DENND5B: variants seen among roughly 807,000 people sequenced by gnomAD.
DENND5B encodes DENN domain-containing protein 5B.
DENND5B carries 34 observed loss-of-function variants against 140.6 expected under a neutral mutation model. The observed-to-expected ratio is 0.24, with a 90% CI of 0.18 to 0.32. The LOEUF (loss-of-function observed/expected upper bound fraction) is 0.32, where lower values mean the gene tolerates loss of function less well. Ranked by LOEUF, DENND5B falls within the 10% of genes least tolerant of loss-of-function variation. The pLI, the probability that DENND5B is intolerant of heterozygous loss-of-function variation, is 1.00. For missense variants in DENND5B, 1,142 were observed against 1,560.2 expected, an observed-to-expected ratio of 0.73 and a Z score of 4.52; for synonymous variants, 551 against 562.1, an observed-to-expected ratio of 0.98 and a Z score of 0.28.
intron 5 of DENND5B, among the ~76,000 whole-genome samples, chr12:31,449,486 A>C (rs1357319974): frequency 6.6e-6 from 1 of 152,150 alleles, no homozygotes; most frequent in Non-Finnish European, 1.5e-5. Context: ...TAAACTATAA[A>C]ATTTTAGGTC....
chr12:31,401,456 G>A (rs564909449), intron 15 of DENND5B, among the ~76,000 whole-genome samples: 1 of 152,090 alleles, frequency 6.6e-6, no homozygotes, highest in African/African-American at 2.4e-5. Flanking sequence ...CTGCTATTTC[G>A]AGACCCCAAG....
intron 4 of DENND5B, among the ~76,000 whole-genome samples, chr12:31,457,816 C>A (rs1467601612): frequency 2.0e-5 from 3 of 152,002 alleles, no homozygotes; most frequent in African/African-American, 2.4e-5. Context: ...CGGGTTCATG[C>A]CATTCTCCTG....
intron 3 of DENND5B, among the ~76,000 whole-genome samples, chr12:31,471,983 T>C (rs1257851527): frequency 1.3e-5 from 2 of 152,150 alleles, no homozygotes; most frequent in East Asian, 1.9e-4. Context: ...GAAGCTGATA[T>C]GCTCTGCACA....
Position 31,452,492 on chromosome 12 carries a change from G to GA in DENND5B, c.1093-17dup, listed in dbSNP as rs757464912. The GA allele has an allele frequency of 1.9e-6, 3 of 1,572,986 alleles. No homozygotes were observed. In the East Asian group the frequency reaches 6.7e-5, roughly 35 times the overall value. ...ACAAATTAGCCTGAAAGAGAAAAAT[G>GA]AAATACAAAGGTTTAAAATAAAGGA... On this transcript the variant is annotated splice_polypyrimidine_tract_variant and intron_variant, in intron 4 of 20. Coordinates refer to ENST00000389082, the MANE Select transcript of DENND5B (RefSeq NM_144973.4).
At chr12:31,503,977 A>G (rs896199347) in intron 1 of DENND5B, among the ~76,000 whole-genome samples, 2 of 152,324 alleles carry the variant, frequency 1.3e-5, no homozygotes, top group Non-Finnish European at 1.5e-5. Context: ...CCAGTTATAT[A>G]GAGAACTACA....
intron 1 of DENND5B, among the ~76,000 whole-genome samples, chr12:31,573,399 C>T (rs1949890849): frequency 6.6e-6 from 1 of 152,152 alleles, no homozygotes; most frequent in South Asian, 2.1e-4. Context: ...GTCACCTGAC[C>T]TATTCAATAG....
intron 1 of DENND5B, among the ~76,000 whole-genome samples, chr12:31,537,701 C>CA (rs1948550786): frequency 6.6e-6 from 1 of 151,164 alleles, no homozygotes; most frequent in South Asian, 2.1e-4. Context: ...AAACAAAAAA[C>CA]AAAAAAACAA....
chr12:31,397,594 G>T (rs911044831), intron 17 of DENND5B, among the ~76,000 whole-genome samples: 2 of 138,696 alleles, frequency 1.4e-5, no homozygotes, highest in African/African-American at 5.3e-5. Context: ...GGCTATCTGG[G>T]AGTACTGTAA....
chr12:31,404,803 AGGCTGGAG>A (rs1942030820), intron 14 of DENND5B, among the ~76,000 whole-genome samples: 1 of 101,746 alleles, frequency 9.8e-6, no homozygotes, highest in Non-Finnish European at 1.8e-5. Flanking sequence ...CTTGTGGCCC[AGGCTGGAG>A]TGCAATGGCA....
chr12:31,570,209 C>CA (rs1949770416), intron 1 of DENND5B, among the ~76,000 whole-genome samples: 1 of 150,144 alleles, frequency 6.7e-6, no homozygotes, highest in Non-Finnish European at 1.5e-5. Context: ...AACAAACAAA[C>CA]AAAAAAACCA....
At chr12:31,529,328 C>A (rs75675266) in intron 1 of DENND5B, among the ~76,000 whole-genome samples, 2,557 of 152,196 alleles carry the variant, frequency 0.017, 73 homozygotes, top group African/African-American at 0.058. Flanking sequence ...ATGGACCCAG[C>A]AGTTCTCTAA....
At chr12:31,410,974 A>T (rs866130468) in intron 13 of DENND5B, among the ~76,000 whole-genome samples, 1 of 152,004 alleles carries the variant, frequency 6.6e-6, no homozygotes, top group Non-Finnish European at 1.5e-5. Flanking sequence ...AGTGTTCTTT[A>T]TATAGCAGGA....
chr12:31,521,480 T>G (rs1947882583), intron 1 of DENND5B, among the ~76,000 whole-genome samples: 1 of 152,170 alleles, frequency 6.6e-6, no homozygotes, highest in South Asian at 2.1e-4. Flanking sequence ...TTTTGTAGAC[T>G]GAACTGTACA....
chr12:31,483,432 T>G (rs918829761), intron 2 of DENND5B, among the ~76,000 whole-genome samples: 30 of 152,030 alleles, frequency 2.0e-4, no homozygotes, highest in African/African-American at 7.3e-4. Context: ...AATGTGGTTA[T>G]AGTATACATC....
intron 1 of DENND5B, among the ~76,000 whole-genome samples, chr12:31,529,525 C>T (rs1255089656): frequency 6.6e-6 from 1 of 151,938 alleles, no homozygotes; most frequent in Non-Finnish European, 1.5e-5. Context: ...AATAATTCAA[C>T]AGCCATCACT....
intron 1 of DENND5B, among the ~76,000 whole-genome samples, chr12:31,512,642 C>T (rs540524037): frequency 9.9e-5 from 15 of 152,072 alleles, no homozygotes; most frequent in African/African-American, 3.1e-4. Flanking sequence ...ACTGTATATC[C>T]GTCATGGTGT....
intron 1 of DENND5B, among the ~76,000 whole-genome samples, chr12:31,551,426 C>T (rs1285147874): frequency 1.3e-5 from 2 of 152,140 alleles, no homozygotes; most frequent in African/African-American, 4.8e-5. Flanking sequence ...ATCTATATCT[C>T]TGTTTTGGTA....
chr12:31,440,390 C>T (rs78849514), intron 7 of DENND5B, among the ~76,000 whole-genome samples: 5 of 152,124 alleles, frequency 3.3e-5, no homozygotes, highest in African/African-American at 1.2e-4. Context: ...AGCAGGGCCA[C>T]CCCTTCACTG....
intron 7 of DENND5B, among the ~76,000 whole-genome samples, chr12:31,438,944 T>C (rs1011163281): frequency 2.6e-5 from 4 of 152,118 alleles, no homozygotes; most frequent in African/African-American, 9.7e-5. Flanking sequence ...AGGATAAAGA[T>C]TAACTTAAAT....
Sources: gnomAD v4.1 joint callset for allele counts (sites outside exome capture counted in the v4.1 genomes callset) on GRCh38, gnomAD v4.1.1 for gene constraint, MANE v1.5 for transcripts, NCBI Gene and HGNC (gene_info 2026-07-23, HGNC 2026-07-21) for gene names.